The following CLGN variants were observed in gnomAD, a reference collection of about 807,000 sequenced individuals.
The protein encoded by CLGN is calmegin.
Under a neutral mutation model 79.1 loss-of-function variants are expected in CLGN, and 62 were observed. The ratio of observed to expected loss-of-function variants is 0.78; its 90% CI spans 0.64 to 0.97. The LOEUF is 0.97. CLGN is among the 50% of genes least tolerant of loss of function. CLGN has a pLI of 0.00. For synonymous variants in CLGN, 225 were observed against 224.7 expected (o/e 1.00, Z -0.01); for missense variants, 647 against 715.5 (o/e 0.90, Z 1.09).
intron 10 of CLGN, 62 bp from the exon 11 acceptor site, chr4:140,394,103 A>G (rs970959029): frequency 7.0e-6 from 8 of 1,150,476 alleles, no homozygotes; most frequent in Non-Finnish European, 8.8e-6. Context: ...ATGCTGCTTA[A>G]TAAGTAGCTG....
intron 1 of CLGN, among the ~76,000 whole-genome samples, chr4:140,417,545 T>C (rs1729366940): frequency 7.2e-6 from 1 of 139,124 alleles, no homozygotes; most frequent in African/African-American, 2.7e-5. Context: ...CAAGCATTCT[T>C]ATACACCAGC....
chr4:140,425,484 C>T (rs1227455057), intron 1 of CLGN, among the ~76,000 whole-genome samples: 1 of 148,338 alleles, frequency 6.7e-6, no homozygotes, highest in East Asian at 2.0e-4. Flanking sequence ...ACAGGCATAC[C>T]TCATTTTACT....
At chr4:140,414,319 C>T (rs1241121248) in intron 1 of CLGN, among the ~76,000 whole-genome samples, 4 of 152,004 alleles carry the variant, frequency 2.6e-5, no homozygotes, top group Non-Finnish European at 4.4e-5. Flanking sequence ...GAATGCAGTT[C>T]CTCACCAGCA....
At chr4:140,413,161 A>T in intron 1 of CLGN, 74 bp from the exon 2 acceptor site, 4 of 1,150,206 alleles carry the variant, frequency 3.5e-6, no homozygotes, top group Non-Finnish European at 5.0e-6. Context: ...GTAGAAATAA[A>T]TAATTTCTCC....
At chr4:140,419,795 G>T (rs73858307) in intron 1 of CLGN, among the ~76,000 whole-genome samples, 2,765 of 152,196 alleles carry the variant, frequency 0.018, 90 homozygotes, top group African/African-American at 0.063. Flanking sequence ...CACAAAAGAG[G>T]TATAACTGGG....
At chr4:140,406,951 T>A (rs1432418928) in intron 4 of CLGN, among the ~76,000 whole-genome samples, 1 of 152,204 alleles carries the variant, frequency 6.6e-6, no homozygotes, top group Non-Finnish European at 1.5e-5. Flanking sequence ...TTTCCAGTAT[T>A]GTGTCAACTC....
intron 4 of CLGN, among the ~76,000 whole-genome samples, chr4:140,407,181 T>C (rs1729124666): frequency 1.3e-5 from 2 of 152,146 alleles, no homozygotes; most frequent in African/African-American, 4.8e-5. Flanking sequence ...GGTCATATTA[T>C]ATTTTTTTGA....
chr4:140,421,156 G>A (rs1729461601), intron 1 of CLGN, among the ~76,000 whole-genome samples: 1 of 152,048 alleles, frequency 6.6e-6, no homozygotes, highest in Non-Finnish European at 1.5e-5. Context: ...AAGCTGGACA[G>A]TATTCCATTG....
At chr4:140,411,180 G>C (rs1287213393) in intron 2 of CLGN, among the ~76,000 whole-genome samples, 1 of 152,008 alleles carries the variant, frequency 6.6e-6, no homozygotes, top group Non-Finnish European at 1.5e-5. Context: ...GGTGGCAGTG[G>C]TATTGCTGAT....
At chr4:140,409,954 A>G (rs964873693) in intron 3 of CLGN, 59 bp from the exon 4 acceptor site, 3 of 1,091,330 alleles carry the variant, frequency 2.7e-6, no homozygotes, top group Admixed American at 4.4e-5. Context: ...CAATTTATAG[A>G]TATAAGGCAT....
intron 1 of CLGN, among the ~76,000 whole-genome samples, chr4:140,422,183 T>A (rs1420640651): frequency 1.3e-5 from 2 of 152,220 alleles, no homozygotes; most frequent in Admixed American, 1.3e-4. Flanking sequence ...TTACTATAGC[T>A]TTGTAATAAG....
At chr4:140,418,824 A>G (rs1284296148) in intron 1 of CLGN, among the ~76,000 whole-genome samples, 1 of 151,788 alleles carries the variant, frequency 6.6e-6, no homozygotes, top group East Asian at 1.9e-4. Context: ...AACTGGAAAT[A>G]CCATTTGACC....
intron 7 of CLGN, among the ~76,000 whole-genome samples, chr4:140,400,089 C>T (rs1054769499): frequency 1.3e-5 from 2 of 152,182 alleles, no homozygotes; most frequent in Middle Eastern, 3.2e-3. Context: ...TACTTCAAGA[C>T]GAGTTCAAAT....
intron 2 of CLGN, among the ~76,000 whole-genome samples, chr4:140,412,582 A>G (rs1334955204): frequency 1.3e-5 from 2 of 152,242 alleles, no homozygotes; most frequent in African/African-American, 4.8e-5. Flanking sequence ...CTTCTCAAGG[A>G]ACTGCAAATT....
intron 13 of CLGN, among the ~76,000 whole-genome samples, chr4:140,391,675 AC>A (rs1303084042): frequency 6.6e-6 from 1 of 151,900 alleles, no homozygotes; most frequent in Non-Finnish European, 1.5e-5. Context: ...GCGGACAGCC[AC>A]CAAAGGGTGA....
intron 8 of CLGN, 63 bp downstream of exon 8, chr4:140,398,788 T>C (rs1728941883): frequency 7.2e-7 from 1 of 1,391,638 alleles, no homozygotes; most frequent in East Asian, 2.3e-5. Context: ...TAAACTTCAC[T>C]TATATGTTGT....
intron 5 of CLGN, among the ~76,000 whole-genome samples, chr4:140,402,821 A>C (rs1322764808): frequency 6.6e-6 from 1 of 152,160 alleles, no homozygotes; most frequent in Non-Finnish European, 1.5e-5. Flanking sequence ...ATATGTGACA[A>C]AAATCAACAA....
intron 3 of CLGN, among the ~76,000 whole-genome samples, chr4:140,410,332 C>G (rs1729186692): frequency 6.6e-6 from 1 of 151,906 alleles, no homozygotes. Context: ...TAAATTTCAT[C>G]TTTGCATTCG....
Position 140,402,072 on chromosome 4 carries a change from TA to T in CLGN, c.420-7del. 6.7e-7 allele frequency: 1 copy of T among 1,497,360 alleles called. No homozygotes were observed. Among genetic ancestry groups the T allele is most frequent in the Non-Finnish European group, 9.1e-7 (1 of 1,093,252 alleles). The allele number at this position is 1,497,360 out of a possible 1,614,324, so 92.8% of individuals were successfully genotyped here. A position where few individuals can be genotyped will look rare whatever the true frequency, so the allele number is the denominator to read the frequency against. On this transcript the variant is annotated splice_region_variant and splice_polypyrimidine_tract_variant and intron_variant, in intron 5 of 14. Transcript: ENST00000325617. Reference sequence around the variant, plus strand: ...CTTGAAAATTTACTTCATATCTGAATAAAGGGAAAAAGAACCGTACTACTGA... The same window carrying T: ...CTTGAAAATTTACTTCATATCTGAATAAGGGAAAAAGAACCGTACTACTGA...
Sources: allele counts gnomAD v4.1 joint callset (sites outside exome capture counted in the v4.1 genomes callset), GRCh38; gene constraint gnomAD v4.1.1; transcripts MANE v1.5; gene names NCBI Gene and HGNC (gene_info 2026-07-23, HGNC 2026-07-21).